The following CNTLN variants were observed in gnomAD, a reference collection of about 807,000 sequenced individuals.
CNTLN encodes the protein centlein, centrosomal protein.
A neutral mutation model predicts 180.0 loss-of-function variants in CNTLN; 212 were observed. That is an observed-to-expected ratio of 1.18 (90% CI 1.05 to 1.32). The LOEUF (loss-of-function observed/expected upper bound fraction) is 1.32. Among genes scored for constraint, CNTLN ranks in the 40% most tolerant of loss-of-function variants. The pLI is 0.00. For synonymous variants in CNTLN, 722 were observed against 563.1 expected (o/e 1.28, Z -3.99); for missense variants, 2,095 against 1,610.9 (o/e 1.30, Z -5.14).
the CNTLN span, among the ~76,000 whole-genome samples, chr9:17,519,658 C>T: frequency 2.6e-5 from 4 of 152,270 alleles, no homozygotes; most frequent in East Asian, 7.7e-4. Context: ...TCATGGACTC[C>T]ATCACCGATG....
intron 13 of CNTLN, among the ~76,000 whole-genome samples, chr9:17,369,151 T>TAGTG (rs780850488): frequency 6.6e-6 from 1 of 152,108 alleles, no homozygotes; most frequent in Admixed American, 6.5e-5. Flanking sequence ...GCTCTCATGA[T>TAGTG]AGTGAGTGAG....
chr9:17,500,055 G>T (rs1833660297), intron 25 of CNTLN, among the ~76,000 whole-genome samples: 2 of 152,234 alleles, frequency 1.3e-5, no homozygotes, highest in African/African-American at 4.8e-5. Context: ...TAGACAAATA[G>T]GTTCCTGCAA....
intron 6 of CNTLN, among the ~76,000 whole-genome samples, chr9:17,288,522 G>A (rs917565224): frequency 5.8e-4 from 82 of 141,630 alleles, no homozygotes; most frequent in Middle Eastern, 7.4e-3. Context: ...TGTCTATTAC[G>A]TCCACTTGGT....
chr9:17,252,732 C>G (rs1826223670), intron 5 of CNTLN, among the ~76,000 whole-genome samples: 1 of 151,460 alleles, frequency 6.6e-6, no homozygotes, highest in African/African-American at 2.4e-5. Flanking sequence ...GAATTTCAAC[C>G]TATTTTTTCT....
chr9:17,262,205 C>A (rs1827043292), intron 5 of CNTLN, among the ~76,000 whole-genome samples: 2 of 151,434 alleles, frequency 1.3e-5, no homozygotes, highest in African/African-American at 4.9e-5. Context: ...CACCATTTGA[C>A]CCAGCAATAC....
At chr9:17,475,249 C>G (rs923798540) in intron 23 of CNTLN, among the ~76,000 whole-genome samples, 1,562 of 152,190 alleles carry the variant, frequency 0.01, 29 homozygotes, top group African/African-American at 0.036. Context: ...AAATCTAAAT[C>G]ATTATTGACC....
chr9:17,205,843 C>A (rs550185931), intron 2 of CNTLN, among the ~76,000 whole-genome samples: 1 of 152,102 alleles, frequency 6.6e-6, no homozygotes, highest in Non-Finnish European at 1.5e-5. Flanking sequence ...TTTTTCTTGA[C>A]GGACTATTTA....
intron 5 of CNTLN, among the ~76,000 whole-genome samples, chr9:17,252,286 G>T (rs10810740): frequency 0.48 from 72,379 of 151,396 alleles, 18,608 homozygotes; most frequent in African/African-American, 0.67. Context: ...TGTATGGTAG[G>T]TCTGTTTGTT....
intron 18 of CNTLN, among the ~76,000 whole-genome samples, chr9:17,429,694 G>C (rs1281964542): frequency 6.6e-6 from 1 of 151,920 alleles, no homozygotes; most frequent in Non-Finnish European, 1.5e-5. Context: ...ATGGGTCATG[G>C]TTAGTAAATG....
intron 5 of CNTLN, among the ~76,000 whole-genome samples, chr9:17,256,665 C>A (rs1444615429): frequency 6.6e-6 from 1 of 151,646 alleles, no homozygotes; most frequent in Non-Finnish European, 1.5e-5. Flanking sequence ...ATGAGCCGAT[C>A]TGGGGAGGTT....
chr9:17,418,525 G>T (rs959614237), intron 18 of CNTLN, among the ~76,000 whole-genome samples: 8 of 152,000 alleles, frequency 5.3e-5, no homozygotes, highest in African/African-American at 1.9e-4. Context: ...GATTTGGGTA[G>T]TATCTGTTGA....
At chr9:17,196,571 G>A (rs180896868) in intron 2 of CNTLN, among the ~76,000 whole-genome samples, 7 of 151,776 alleles carry the variant, frequency 4.6e-5, no homozygotes, top group South Asian at 2.1e-4. Flanking sequence ...AACCACTGAA[G>A]ACTTTAAAAA....
intron 6 of CNTLN, among the ~76,000 whole-genome samples, chr9:17,294,468 C>T (rs1817652511): frequency 6.6e-6 from 1 of 151,494 alleles, no homozygotes. Flanking sequence ...ATTGGTGCAT[C>T]CACAAACCCT....
At chr9:17,425,929 C>G (rs1361890831) in intron 18 of CNTLN, among the ~76,000 whole-genome samples, 1 of 152,132 alleles carries the variant, frequency 6.6e-6, no homozygotes. Context: ...AAGTATACCA[C>G]AACTTGGAAG....
intron 5 of CNTLN, among the ~76,000 whole-genome samples, chr9:17,239,807 G>C (rs1221071176): frequency 6.6e-6 from 1 of 152,080 alleles, no homozygotes; most frequent in Non-Finnish European, 1.5e-5. Context: ...TTGGACCTCA[G>C]TTCTGTTTAT....
At chr9:17,442,681 A>C (rs1346350337) in intron 18 of CNTLN, among the ~76,000 whole-genome samples, 1 of 152,160 alleles carries the variant, frequency 6.6e-6, no homozygotes, top group Non-Finnish European at 1.5e-5. Flanking sequence ...TTACAGGTGT[A>C]AGCCACCATG....
At chr9:17,506,527 C>A (rs928164923), downstream of CNTLN, among the ~76,000 whole-genome samples, 4 of 152,084 alleles carry the variant, frequency 2.6e-5, no homozygotes, top group Non-Finnish European at 5.9e-5. Flanking sequence ...TATGGGACAG[C>A]GGAAAGAGTG....
At chr9:17,424,600 A>G (rs1474933770) in intron 18 of CNTLN, among the ~76,000 whole-genome samples, 1 of 152,174 alleles carries the variant, frequency 6.6e-6, no homozygotes, top group Non-Finnish European at 1.5e-5. Flanking sequence ...AATATGTATA[A>G]AACTTCAGCT....
rs373023403 is a variant in CNTLN, at chr9:17,266,633, T to C, written c.850-7100T>C. ...TCGTTGATCTGTTTAGTGTTGACGG[T>C]GGGATGTTATAGTCTCCCATTATTA... On this transcript the variant is annotated intron_variant, in intron 5 of 25. Coordinates refer to ENST00000380647, the MANE Select transcript of CNTLN (RefSeq NM_017738.4). 3.9e-5 allele frequency among the ~76,000 whole-genome samples: 6 copies of C among 152,126 alleles called. No homozygotes were observed. In the East Asian group the frequency reaches 9.6e-4, roughly 24 times the overall value.
Sources: allele counts gnomAD v4.1 joint callset (sites outside exome capture counted in the v4.1 genomes callset), GRCh38; gene constraint gnomAD v4.1.1; transcripts MANE v1.5; gene names NCBI Gene and HGNC (gene_info 2026-07-23, HGNC 2026-07-21).